Variants in RASAL1 observed in about 807,000 individuals in gnomAD.
The protein encoded by RASAL1 is RAS protein activator like 1, also known as rasGAP-activating-like protein 1.
Under a neutral mutation model 96.6 loss-of-function variants are expected in RASAL1, and 72 were observed. The ratio of observed to expected loss-of-function variants is 0.75; its 90% CI spans 0.62 to 0.91. RASAL1 has a LOEUF of 0.91. RASAL1 is among the 40% of genes least tolerant of loss of function. The probability of loss-of-function intolerance (pLI) is 0.00; values close to 1 mark genes in which losing one functional copy is unlikely to be tolerated. For synonymous variants in RASAL1, 405 were observed against 430.4 expected, an observed-to-expected ratio of 0.94 and a Z score of 0.73; for missense variants, 1,016 against 1,072.5, an observed-to-expected ratio of 0.95 and a Z score of 0.74.
At chr12:113,100,091 CAG>C (rs1950387771) in intron 20 of RASAL1, 23 bp from the exon 21 acceptor site, 1 of 1,575,972 alleles carries the variant, frequency 6.3e-7, no homozygotes, top group Non-Finnish European at 8.6e-7. Flanking sequence ...CAAGAGGCCA[CAG>C]GGGCTCAGCC....
rs1454515098 is a variant in RASAL1, at chr12:113,115,654, C to A, written c.984G>T (p.Arg328=). Residue 328 remains arginine, a synonymous_variant, in exon 10 of 21, where the codon CGG becomes CGT. Transcript: ENST00000548055. The surrounding 1 kb of genome is among the most constrained non-coding windows in gnomAD (Gnocchi z 4.1). ...ACTCACTGGTCCGAGCCACCTCACG[C>A]CGGGTGAGATAGTCCAGAAAGCGCC... is the stretch of plus-strand genomic sequence containing the variant. ...LAGRFLDYLT[R]REVARTMDPN... is the part of the protein sequence containing the mutation. 2 of 1,613,608 alleles carry A rather than the reference C, an allele frequency of 1.2e-6. No individual in the cohort carries two copies. Among genetic ancestry groups the A allele is most frequent in the Non-Finnish European group, 1.7e-6 (2 of 1,179,998 alleles).
chr12:113,122,541 T>G (rs1951337112), intron 4 of RASAL1, among the ~76,000 whole-genome samples: 2 of 152,196 alleles, frequency 1.3e-5, no homozygotes, highest in Non-Finnish European at 2.9e-5. Flanking sequence ...CCCAGGCTGG[T>G]CTCGAACTCC....
chr12:113,124,524 AATTTC>A (rs543636897), intron 4 of RASAL1, among the ~76,000 whole-genome samples: 1 of 152,118 alleles, frequency 6.6e-6, no homozygotes, highest in Non-Finnish European at 1.5e-5. Context: ...TCACTCATTT[AATTTC>A]ACTGCCCTGG....
At position 113,116,013 on chromosome 12, in the gene RASAL1, A is replaced by G; in HGVS notation, c.770T>C (p.Ile257Thr). Reference sequence around the variant, plus strand: ...CTGGGAGGGCAGGACGCGGTCCTCAATCAGGCGTACCTTCACTCGCAGGGC... The same window carrying G: ...CTGGGAGGGCAGGACGCGGTCCTCAGTCAGGCGTACCTTCACTCGCAGGGC... ...LGALRVKVRL[I>T]EDRVLPSQCY... The change falls in exon 9 of 21, where the codon ATT becomes ACT. Residue 257 changes from isoleucine to threonine, a missense_variant. By Grantham distance (89) the Ile-to-Thr change is moderately conservative (BLOSUM62 -1). Transcript: ENST00000548055. The G allele has an allele frequency of 1.9e-6, 3 of 1,609,042 alleles. No individual in the cohort carries two copies. The highest frequency in any genetic ancestry group is 2.5e-6 in the Non-Finnish European group (3 of 1,177,320).
intron 18 of RASAL1, chr12:113,103,239 T>TTACAATGTTATAC (rs1261148639): frequency 2.0e-5 from 3 of 150,424 alleles, no homozygotes; most frequent in South Asian, 2.1e-4. Context: ...ACAATGTTAT[T>TTACAATGTTATAC]ATTTACAATG....
chr12:113,116,912 T>C (rs1951107915), intron 8 of RASAL1, among the ~76,000 whole-genome samples, 161 bp downstream of exon 8: 1 of 152,258 alleles, frequency 6.6e-6, no homozygotes, highest in Admixed American at 6.5e-5. Context: ...TGTGGATTTA[T>C]GTAAACACCT....
Position 113,105,753 on chromosome 12 carries a change from G to C in RASAL1, c.1791C>G (p.Ser597Arg), listed in dbSNP as rs150572787. The change falls in exon 16 of 21, where the codon AGC (serine) becomes AGG (arginine). Residue 597 changes from serine (S) to arginine (R), a missense_variant. Coordinates refer to ENST00000548055, the MANE Select transcript of RASAL1 (RefSeq NM_001301202.2). ...TCTTGGAGAAGGAGAGGGTCTCCCC[G>C]CTGAGCCAGACGTAGCGCTTCTTGA... ...FAFKKRYVWL[S>R]GETLSFSKSP... is the part of the protein sequence containing the mutation. The C allele has an allele frequency of 1.2e-6, 2 of 1,613,124 alleles. No individual in the cohort carries two copies. The highest frequency in any genetic ancestry group is 1.7e-6 in the Non-Finnish European group (2 of 1,179,432).
Position 113,099,739 on chromosome 12 carries a change from C to A in RASAL1, c.*190G>T. 1 of 737,786 alleles carries A rather than the reference C, an allele frequency of 1.4e-6. No homozygotes were observed. The highest frequency in any genetic ancestry group is 2.7e-5 in the East Asian group (1 of 37,174). The allele number at this position is 737,786 out of a possible 1,614,324, so 45.7% of individuals were successfully genotyped here. A position where few individuals can be genotyped will look rare whatever the true frequency, so the allele number is the denominator to read the frequency against. The stretch of plus-strand genomic sequence containing the variant: ...AGGGCAAGTTTCACTCAGTGCAAGG[C>A]TGGCCCCTGCCAAAGGGCTTCCATG... On this transcript the variant is annotated 3_prime_UTR_variant, in exon 21 of 21. Coordinates refer to ENST00000548055, the MANE Select transcript of RASAL1 (RefSeq NM_001301202.2).
At chr12:113,109,795 C>T (rs1950804259) in intron 13 of RASAL1, among the ~76,000 whole-genome samples, 2 of 152,200 alleles carry the variant, frequency 1.3e-5, no homozygotes, top group African/African-American at 4.8e-5. Flanking sequence ...GAACTGTCCC[C>T]CTCCATCTGG....
chr12:113,128,046 A>G lies in RASAL1; in HGVS notation c.236+19T>C. The G allele has an allele frequency of 6.2e-7, 1 of 1,611,004 alleles. No homozygotes were observed. The highest frequency in any genetic ancestry group is 8.5e-7 in the Non-Finnish European group (1 of 1,177,772). On this transcript the variant is annotated intron_variant, in intron 3 of 20. Coordinates refer to ENST00000548055, the MANE Select transcript of RASAL1 (RefSeq NM_001301202.2). Reference sequence around the variant, plus strand: ...CTTGGGTCCCTAACCCACACATTCCACTTTCCCCAACCACAAACCCGACAG... The same window carrying G: ...CTTGGGTCCCTAACCCACACATTCCGCTTTCCCCAACCACAAACCCGACAG...
chr12:113,103,896 T>A, intron 18 of RASAL1, 50 bp downstream of exon 18: 1 of 1,540,994 alleles, frequency 6.5e-7, no homozygotes, highest in Non-Finnish European at 8.7e-7. Context: ...GGACACCCGC[T>A]GATTGACGGG....
In RASAL1 at chr12:113,104,302, G is replaced by C. The variant is rs1302029057; in HGVS notation, c.1831-4C>G. 6.4e-7 allele frequency: 1 copy of C among 1,558,690 alleles called. No homozygotes were observed. ...ACACGGGGATGGAGTGACACATCTG[G>C]GGAAGAGGATTGTCGCTGCAGGATG... On this transcript the variant is annotated splice_polypyrimidine_tract_variant and splice_region_variant and intron_variant, in intron 16 of 20. Coordinates refer to ENST00000548055, the MANE Select transcript of RASAL1 (RefSeq NM_001301202.2).
At chr12:113,109,044 T>TG (rs1491419563) in intron 13 of RASAL1, among the ~76,000 whole-genome samples, 155 of 1,412 alleles carry the variant, frequency 0.11, no homozygotes, top group Non-Finnish European at 0.17. Context: ...TTTGTGTGTG[T>TG]TTTTTTTTTT....
At chr12:113,101,808 T>A in intron 19 of RASAL1, 81 bp downstream of exon 19, 1 of 1,511,050 alleles carries the variant, frequency 6.6e-7, no homozygotes, top group South Asian at 1.3e-5. Flanking sequence ...GAAGAATGAA[T>A]AAATGGACAC....
chr12:113,126,448 A>G (rs1224127513), intron 4 of RASAL1, among the ~76,000 whole-genome samples: 2 of 152,138 alleles, frequency 1.3e-5, no homozygotes, highest in African/African-American at 4.8e-5. Flanking sequence ...TGGGAGGCCA[A>G]GGCAGGTGGA....
At chr12:113,133,318 C>G (rs1740388471) in intron 1 of RASAL1, among the ~76,000 whole-genome samples, 1 of 152,232 alleles carries the variant, frequency 6.6e-6, no homozygotes. Flanking sequence ...CTTGGGAAAG[C>G]AGGCCCCTCA....
chr12:113,127,613 G>A (rs1951533732), intron 4 of RASAL1, among the ~76,000 whole-genome samples, 199 bp downstream of exon 4: 2 of 152,122 alleles, frequency 1.3e-5, no homozygotes, highest in African/African-American at 2.4e-5. Context: ...TAGCACCACC[G>A]CACTCCAGCC....
intron 15 of RASAL1, 49 bp from the exon 16 acceptor site, chr12:113,105,935 G>A (rs1226332823): frequency 1.3e-6 from 2 of 1,552,380 alleles, no homozygotes; most frequent in South Asian, 1.2e-5. Context: ...TCCCTAACCA[G>A]GCTCACCTTG....
chr12:113,105,628 G>A, intron 16 of RASAL1, 86 bp downstream of exon 16: 5 of 1,395,484 alleles, frequency 3.6e-6, no homozygotes, highest in Non-Finnish European at 4.9e-6. Flanking sequence ...CCCACTGTGG[G>A]CCTCAGTTTC....
Sources: allele counts gnomAD v4.1 joint callset (sites outside exome capture counted in the v4.1 genomes callset), GRCh38; gene constraint gnomAD v4.1.1; non-coding constraint Gnocchi (gnomAD v3.1); transcripts MANE v1.5; gene names NCBI Gene and HGNC (gene_info 2026-07-23, HGNC 2026-07-21).